Variants in KIRREL3 observed in about 807,000 individuals in gnomAD.
KIRREL3 encodes kirre like nephrin family adhesion molecule 3.
KIRREL3 carries 36 observed loss-of-function variants against 89.7 expected under a neutral mutation model. That is an observed-to-expected ratio of 0.40 (90% CI 0.31 to 0.53). The LOEUF (loss-of-function observed/expected upper bound fraction) is 0.53. Ranked by LOEUF, KIRREL3 falls within the 20% of genes least tolerant of loss-of-function variation. The pLI is 0.49. For missense variants in KIRREL3, 864 were observed against 1,056.6 expected (o/e 0.82, Z 2.53); for synonymous variants, 445 against 441.4 (o/e 1.01, Z -0.10).
At chr11:126,548,199 A>T (rs529045881) in intron 2 of KIRREL3, among the ~76,000 whole-genome samples, 1 of 152,000 alleles carries the variant, frequency 6.6e-6, no homozygotes, top group East Asian at 1.9e-4. Context: ...CTGCCATTTT[A>T]TTATATGCCC....
intron 13 of KIRREL3, among the ~76,000 whole-genome samples, chr11:126,434,009 G>T (rs1006589988): frequency 6.6e-6 from 1 of 152,232 alleles, no homozygotes; most frequent in Non-Finnish European, 1.5e-5. Context: ...CTGGACAACG[G>T]TCACCAGGGA....
intron 11 of KIRREL3, among the ~76,000 whole-genome samples, 196 bp from the exon 12 acceptor site, chr11:126,437,205 G>A (rs746270247): frequency 5.3e-5 from 8 of 151,896 alleles, no homozygotes; most frequent in South Asian, 2.1e-4. Flanking sequence ...CACACAACAC[G>A]CATCACCACA....
intron 1 of KIRREL3, among the ~76,000 whole-genome samples, chr11:126,721,817 C>T (rs1331649221): frequency 6.6e-6 from 1 of 152,192 alleles, no homozygotes; most frequent in Non-Finnish European, 1.5e-5. Context: ...CAGCTTCACA[C>T]CTGTGAAGAG....
At position 126,689,930 on chromosome 11, in the gene KIRREL3, A is replaced by G. The variant is rs1946814279; in HGVS notation, c.56-127018T>C. ...TAGAAAGCTAGTTAGTGAAACAGGG[A>G]TGGGAGTGTGAGAGTTGATGCTTCT... On this transcript the variant is annotated intron_variant, in intron 1 of 16. Coordinates refer to ENST00000525144, the MANE Select transcript of KIRREL3 (RefSeq NM_032531.4). The surrounding 1 kb of genome is among the most constrained non-coding windows in gnomAD (Gnocchi z 5.2). Among the ~76,000 whole-genome samples, 1 of 152,204 alleles carries G rather than the reference A, an allele frequency of 6.6e-6. No individual in the cohort carries two copies. Among genetic ancestry groups the G allele is most frequent in the African/African-American group, 2.4e-5 (1 of 41,458 alleles).
At chr11:126,958,684 A>G (rs1948995686) in intron 1 of KIRREL3, among the ~76,000 whole-genome samples, 1 of 152,206 alleles carries the variant, frequency 6.6e-6, no homozygotes, top group African/African-American at 2.4e-5. Flanking sequence ...ACCTGTGCAC[A>G]TAAAGGCACT....
chr11:126,864,979 G>A (rs1944870415), intron 1 of KIRREL3, among the ~76,000 whole-genome samples: 1 of 152,108 alleles, frequency 6.6e-6, no homozygotes, highest in South Asian at 2.1e-4. Context: ...GGATCAAAGA[G>A]CTCCTCCTCA....
chr11:126,445,099 T>A lies in KIRREL3; in HGVS notation c.1132A>T (p.Ser378Cys). The change falls in exon 10 of 17, where the codon AGC becomes TGC. Residue 378 changes from serine (S) to cysteine (C), a missense_variant. Coordinates refer to ENST00000525144, the MANE Select transcript of KIRREL3 (RefSeq NM_032531.4). ...WMKRGSGVVL[S>C]NEKTLTLKSV... ...TTGAGGGTCAGGGTCTTCTCATTGC[T>A]CAGGACCTAGGAGAATTGGCAGGCT... 3 of 1,613,940 alleles carry A rather than the reference T, an allele frequency of 1.9e-6. No individual in the cohort carries two copies. Among genetic ancestry groups the A allele is most frequent in the Non-Finnish European group, 2.5e-6 (3 of 1,179,866 alleles).
At position 126,747,219 on chromosome 11, in the gene KIRREL3, C is replaced by G. The variant is rs1441385610; in HGVS notation, c.56-184307G>C. 6.6e-6 allele frequency among the ~76,000 whole-genome samples: 1 copy of G among 152,216 alleles called. No individual in the cohort carries two copies. The highest frequency in any genetic ancestry group is 2.4e-5 in the African/African-American group (1 of 41,458). Reference sequence around the variant, plus strand: ...TAGTCCCAGGCCAGCAGGCCTCATACCTCTACTCTGCCCTGACAAGTTGTA... The same window carrying G: ...TAGTCCCAGGCCAGCAGGCCTCATAGCTCTACTCTGCCCTGACAAGTTGTA... On this transcript the variant is annotated intron_variant, in intron 1 of 16. Coordinates refer to ENST00000525144, the MANE Select transcript of KIRREL3 (RefSeq NM_032531.4). This position sits in a 1 kb window ranked among gnomAD's most constrained non-coding sequence, Gnocchi z 4.7.
intron 1 of KIRREL3, among the ~76,000 whole-genome samples, chr11:126,621,504 G>A (rs1168031859): frequency 6.6e-6 from 1 of 152,112 alleles, no homozygotes; most frequent in Non-Finnish European, 1.5e-5. Flanking sequence ...GCGTGTGAGA[G>A]GCTTAAAAAG....
At chr11:126,599,730 A>G (rs939710792) in intron 1 of KIRREL3, among the ~76,000 whole-genome samples, 1 of 152,222 alleles carries the variant, frequency 6.6e-6, no homozygotes, top group African/African-American at 2.4e-5. Flanking sequence ...TCTCTGGTCC[A>G]TACAGTAATG....
At chr11:126,580,820 G>A (rs1324255648) in intron 1 of KIRREL3, among the ~76,000 whole-genome samples, 1 of 144,884 alleles carries the variant, frequency 6.9e-6, no homozygotes, top group Non-Finnish European at 1.5e-5. Flanking sequence ...GGCCCTACCT[G>A]TTCCCGGAAT....
chr11:126,688,972 A>T (rs1448138938), intron 1 of KIRREL3, among the ~76,000 whole-genome samples: 1 of 150,002 alleles, frequency 6.7e-6, no homozygotes, highest in Non-Finnish European at 1.5e-5. Flanking sequence ...TTCCGCTCTC[A>T]ATCTTGTCTT....
At chr11:126,836,923 A>T (rs1393607552) in intron 1 of KIRREL3, among the ~76,000 whole-genome samples, 1 of 152,128 alleles carries the variant, frequency 6.6e-6, no homozygotes, top group African/African-American at 2.4e-5. Context: ...CTGCCTTCTA[A>T]CAGAACCTGA....
chr11:126,959,794 C>T (rs1222446092), intron 1 of KIRREL3, among the ~76,000 whole-genome samples: 3 of 152,200 alleles, frequency 2.0e-5, no homozygotes, highest in African/African-American at 7.2e-5. Flanking sequence ...TCTACACTCT[C>T]TGAATCCCAT....
intron 1 of KIRREL3, chr11:126,936,221 T>A (rs1413761750): frequency 6.6e-6 from 1 of 152,128 alleles, no homozygotes; most frequent in Non-Finnish European, 1.5e-5. Context: ...AGAATGGCTA[T>A]AATAAAAAAG....
At chr11:126,804,858 T>C (rs1951155961) in intron 1 of KIRREL3, among the ~76,000 whole-genome samples, 2 of 152,140 alleles carry the variant, frequency 1.3e-5, no homozygotes, top group African/African-American at 4.8e-5. Flanking sequence ...TCCTTAGGTT[T>C]TCAAAGGCAC....
intron 1 of KIRREL3, among the ~76,000 whole-genome samples, chr11:126,819,438 G>A (rs371033198): frequency 7.2e-5 from 11 of 152,226 alleles, no homozygotes; most frequent in African/African-American, 2.7e-4. Context: ...AAGGTGTGGA[G>A]GAGCAGGAGT....
chr11:126,796,645 T>C lies in KIRREL3; in HGVS notation c.55+203810A>G, dbSNP rs1230630850. On this transcript the variant is annotated intron_variant, in intron 1 of 16. Transcript: ENST00000525144. The surrounding 1 kb of genome is among the most constrained non-coding windows in gnomAD (Gnocchi z 5.1). ...TTAAGCATTGCCCCCAACCCTGCTT[T>C]TTATTTATTTTTATTCTTTTATTTT... is the stretch of plus-strand genomic sequence containing the variant. Among the ~76,000 whole-genome samples, 1 of 152,224 alleles carries C rather than the reference T, an allele frequency of 6.6e-6. No individual in the cohort carries two copies. Among genetic ancestry groups the C allele is most frequent in the African/African-American group, 2.4e-5 (1 of 41,524 alleles).
In KIRREL3 at chr11:126,526,888, C is replaced by T. The variant is rs1958780010; in HGVS notation, c.134-201G>A. Among the ~76,000 whole-genome samples, 2 of 152,218 alleles carry T rather than the reference C, an allele frequency of 1.3e-5. No homozygotes were observed. The highest frequency in any genetic ancestry group is 1.3e-4 in the Admixed American group (2 of 15,292). ...TTCCCTCCTATGGGGGCCTGGCTCC[C>T]AGCTCCAGCCCCTCTGCCCATCAGT... On this transcript the variant is annotated intron_variant, in intron 2 of 16. Transcript: ENST00000525144. The surrounding 1 kb of genome is among the most constrained non-coding windows in gnomAD (Gnocchi z 5.7).
Sources: allele counts gnomAD v4.1 joint callset (sites outside exome capture counted in the v4.1 genomes callset), GRCh38; gene constraint gnomAD v4.1.1; non-coding constraint Gnocchi (gnomAD v3.1); transcripts MANE v1.5; gene names NCBI Gene and HGNC (gene_info 2026-07-23, HGNC 2026-07-21).